The following EHD2 variants were observed in gnomAD, a reference collection of about 807,000 sequenced individuals.
The protein encoded by EHD2 is EH domain-containing protein 2.
Under a neutral mutation model 41.0 loss-of-function variants are expected in EHD2, and 27 were observed. The observed-to-expected ratio is 0.66, with a 90% CI of 0.49 to 0.91. EHD2 has a LOEUF of 0.91. Among genes scored for constraint, EHD2 ranks in the 40% least tolerant of loss-of-function variants. The probability of loss-of-function intolerance (pLI) is 0.00; values close to 1 mark genes in which losing one functional copy is unlikely to be tolerated. For missense variants in EHD2, 673 were observed against 773.9 expected (o/e 0.87, Z 1.55); for synonymous variants, 342 against 341.0 (o/e 1.00, Z -0.03).
chr19:47,740,909 A>G lies in EHD2; in HGVS notation c.1109A>G (p.Lys370Arg). The change falls in exon 6 of 6, where the codon AAG becomes AGG. Residue 370 changes from lysine to arginine, a missense_variant. Transcript: ENST00000263277. ...CTGCTGATGGCGCACGACTTCACCAAGTTTCACTCGCTGAAGCCGAAGCTG... is the reference window on the plus strand; with the variant it reads ...CTGCTGATGGCGCACGACTTCACCAGGTTTCACTCGCTGAAGCCGAAGCTG... ...QELLMAHDFT[K>R]FHSLKPKLLE... 6.2e-7 allele frequency: 1 copy of G among 1,613,346 alleles called. No individual in the cohort carries two copies. The highest frequency in any genetic ancestry group is 8.5e-7 in the Non-Finnish European group (1 of 1,179,878).
intron 3 of EHD2, among the ~76,000 whole-genome samples, chr19:47,723,739 G>A (rs990631778): frequency 8.0e-5 from 12 of 150,296 alleles, no homozygotes; most frequent in African/African-American, 2.5e-5. Flanking sequence ...GTGCAATGAC[G>A]CAATCATGGC....
At chr19:47,738,960 G>A (rs1430402473) in intron 5 of EHD2, among the ~76,000 whole-genome samples, 4 of 152,136 alleles carry the variant, frequency 2.6e-5, no homozygotes, top group Non-Finnish European at 4.4e-5. Context: ...GGAGGGGGTG[G>A]TCCCAGGAAC....
chr19:47,727,643 T>C (rs1457299901), intron 4 of EHD2, among the ~76,000 whole-genome samples: 1 of 141,932 alleles, frequency 7.0e-6, no homozygotes, highest in African/African-American at 2.6e-5. Context: ...TTTTGGAGGA[T>C]TGCTTGAGCC....
chr19:47,730,081 G>C (rs1973792500), intron 4 of EHD2, among the ~76,000 whole-genome samples: 1 of 151,990 alleles, frequency 6.6e-6, no homozygotes, highest in African/African-American at 2.4e-5. Context: ...GGGTGGGTCC[G>C]GGCCAGACAC....
intron 5 of EHD2, among the ~76,000 whole-genome samples, chr19:47,739,256 A>G (rs1269644181): frequency 2.1e-5 from 3 of 143,596 alleles, no homozygotes; most frequent in East Asian, 4.1e-4. Context: ...GTGCACCACC[A>G]CACCTGGCTA....
chr19:47,716,843 C>T lies in EHD2; in HGVS notation c.231C>T (p.Tyr77=). The T allele has an allele frequency of 1.2e-6, 2 of 1,609,930 alleles. No homozygotes were observed. Among genetic ancestry groups the T allele is most frequent in the South Asian group, 1.1e-5 (1 of 90,444 alleles). Residue 77 remains tyrosine (Y), a synonymous_variant, in exon 2 of 6, where the codon TAC becomes TAT. Coordinates refer to ENST00000263277, the MANE Select transcript of EHD2 (RefSeq NM_014601.4). ...YSTGKTSFIQ[Y]LLEQEVPGSR... is the part of the protein sequence containing the mutation. ...CGGGCAAGACCAGCTTCATCCAGTA[C>T]CTGCTGGAGCAGGAGGTGCCCGGCT...
chr19:47,727,756 C>T (rs1318013646), intron 4 of EHD2, among the ~76,000 whole-genome samples: 1 of 148,162 alleles, frequency 6.7e-6, no homozygotes, highest in African/African-American at 2.5e-5. Flanking sequence ...AGCCCCGGGG[C>T]TTATCTTTTG....
In EHD2 at chr19:47,736,532, A is replaced by C; in HGVS notation, c.1079A>C (p.Gln360Pro). The C allele has an allele frequency of 6.3e-7, 1 of 1,587,212 alleles. No homozygotes were observed. The highest frequency in any genetic ancestry group is 8.6e-7 in the Non-Finnish European group (1 of 1,166,578). Reference protein sequence around the residue: ...PGDFPDCQKMQELLMAHDFTK... With the variant: ...PGDFPDCQKMPELLMAHDFTK... ...GACTTTCCTGATTGCCAGAAAATGC[A>C]GGTGGGAAGCTGCCCAGGAGGGAAT... Residue 360 changes from glutamine (Q) to proline (P), a missense_variant and splice_region_variant, in exon 5 of 6, where the codon CAG becomes CCG. Gln to Pro is a moderately conservative substitution (Grantham distance 76). Coordinates refer to ENST00000263277, the MANE Select transcript of EHD2 (RefSeq NM_014601.4).
intron 1 of EHD2, among the ~76,000 whole-genome samples, chr19:47,715,707 C>T (rs1401599404): frequency 6.6e-6 from 1 of 152,188 alleles, no homozygotes; most frequent in Non-Finnish European, 1.5e-5. Context: ...TGGTCTTCCA[C>T]TACCACCATC....
chr19:47,733,769 A>AAAAAAAAAAAAAAAAAAAAAAC (rs1966893892), intron 4 of EHD2, among the ~76,000 whole-genome samples: 2 of 149,610 alleles, frequency 1.3e-5, no homozygotes, highest in Non-Finnish European at 3.0e-5. Context: ...AAAAAAAAAA[A>AAAAAAAAAAAAAAAAAAAAAAC]AAAAAATCCA....
intron 3 of EHD2, among the ~76,000 whole-genome samples, chr19:47,720,709 C>T (rs1257799491): frequency 6.6e-6 from 1 of 151,992 alleles, no homozygotes; most frequent in African/African-American, 2.4e-5. Flanking sequence ...ATATGTGTAT[C>T]TGGGCTGTGG....
chr19:47,736,377 T>G lies in EHD2; in HGVS notation c.924T>G (p.Ala308=), dbSNP rs200567810. The G allele has an allele frequency of 1.3e-5, 21 of 1,613,212 alleles. No individual in the cohort carries two copies. In the Admixed American group the frequency reaches 3.3e-4, roughly 26 times the overall value. ...GAGAACCCTTCCCACAGGTTCACGC[T>G]TACATCATCAGCTACCTGAAGAAGG... is the stretch of plus-strand genomic sequence containing the variant. The part of the protein sequence containing the change: ...VKRARLVRVH[A]YIISYLKKEM... Residue 308 remains alanine, a synonymous_variant, in exon 5 of 6, where the codon GCT becomes GCG. Transcript: ENST00000263277.
rs1201878841 is a variant in EHD2 at position 47,742,024 on chromosome 19, G to A, written c.*592G>A. 9 of 446,860 alleles carry A rather than the reference G, an allele frequency of 2.0e-5. No individual in the cohort carries two copies. The highest frequency in any genetic ancestry group is 4.0e-5 in the Non-Finnish European group (9 of 223,004). 27.7% of individuals were successfully genotyped at this position (446,860 alleles called of 1,614,324 possible). The stretch of plus-strand genomic sequence containing the variant: ...ATCCTCAGGTCTCGGGACCATGGGG[G>A]GCTCAGAGGGGAGACACACCTACTG... On this transcript the variant is annotated 3_prime_UTR_variant, in exon 6 of 6. Transcript: ENST00000263277.
intron 5 of EHD2, among the ~76,000 whole-genome samples, chr19:47,738,000 C>T (rs1966943829): frequency 6.6e-6 from 1 of 151,662 alleles, no homozygotes; most frequent in South Asian, 2.1e-4. Flanking sequence ...CTCACCTCAG[C>T]CTCCCAAGTA....
intron 4 of EHD2, chr19:47,732,881 C>A (rs1160520586): frequency 1.3e-5 from 2 of 151,912 alleles, no homozygotes; most frequent in African/African-American, 4.8e-5. Flanking sequence ...ATCAGGAGTT[C>A]AAGACCAGCC....
intron 3 of EHD2, among the ~76,000 whole-genome samples, chr19:47,723,703 A>G (rs907230532): frequency 6.6e-5 from 10 of 150,702 alleles, no homozygotes; most frequent in Non-Finnish European, 1.5e-4. Flanking sequence ...TAAAGAGACA[A>G]GGTCTTGCTC....
chr19:47,737,709 T>TA (rs1444564196), intron 5 of EHD2, among the ~76,000 whole-genome samples: 1 of 151,676 alleles, frequency 6.6e-6, no homozygotes, highest in Non-Finnish European at 1.5e-5. Flanking sequence ...TATTTATATA[T>TA]TTTTTAGAGA....
At chr19:47,716,419 G>T in intron 1 of EHD2, 139 bp from the exon 2 acceptor site, 1 of 532,866 alleles carries the variant, frequency 1.9e-6, no homozygotes, top group Non-Finnish European at 3.1e-6. Context: ...CATGCTCTGT[G>T]ACCACATATT....
Position 47,722,394 on chromosome 19 carries a change from C to A in EHD2, c.503-3418C>A, listed in dbSNP as rs1415414659. 2.0e-5 allele frequency among the ~76,000 whole-genome samples: 3 copies of A among 152,116 alleles called. No homozygotes were observed. In the East Asian group the frequency reaches 5.8e-4, roughly 29 times the overall value. ...TCCAGTGACTTGGCCCTTCCTCCCC[C>A]AAAACAACGGCCCCCAACCCCATCC... On this transcript the variant is annotated intron_variant, in intron 3 of 5. Coordinates refer to ENST00000263277, the MANE Select transcript of EHD2 (RefSeq NM_014601.4).
Sources: allele counts gnomAD v4.1 joint callset (sites outside exome capture counted in the v4.1 genomes callset), GRCh38; gene constraint gnomAD v4.1.1; transcripts MANE v1.5; gene names NCBI Gene and HGNC (gene_info 2026-07-23, HGNC 2026-07-21).